IGF1R: variants seen among roughly 807,000 people sequenced by gnomAD.
IGF1R encodes insulin like growth factor 1 receptor, also known as insulin-like growth factor 1 receptor.
Under a neutral mutation model 144.6 loss-of-function variants are expected in IGF1R, and 44 were observed. The observed-to-expected ratio is 0.30, with a 90% CI of 0.24 to 0.39. The LOEUF (loss-of-function observed/expected upper bound fraction) is 0.39, where lower values mean the gene tolerates loss of function less well. Ranked by LOEUF, IGF1R falls within the 10% of genes least tolerant of loss-of-function variation. The probability of loss-of-function intolerance (pLI) is 1.00; values close to 1 mark genes in which losing one functional copy is unlikely to be tolerated. For missense variants in IGF1R, 1,355 were observed against 1,833.7 expected (o/e 0.74, Z 4.77); for synonymous variants, 795 against 722.8 (o/e 1.10, Z -1.60).
chr15:98,821,769 G>T (rs1362733736), intron 2 of IGF1R, among the ~76,000 whole-genome samples: 3 of 152,218 alleles, frequency 2.0e-5, no homozygotes, highest in African/African-American at 7.2e-5. Flanking sequence ...CAGGAATAGA[G>T]TACCTGGGGC....
intron 2 of IGF1R, among the ~76,000 whole-genome samples, chr15:98,744,513 A>G (rs1263970501): frequency 1.3e-5 from 2 of 151,974 alleles, no homozygotes; most frequent in Non-Finnish European, 2.9e-5. Flanking sequence ...GGGAGGTGGG[A>G]TGGCAGCCAG....
chr15:98,712,631 AAG>A (rs2054019572), intron 2 of IGF1R, among the ~76,000 whole-genome samples: 1 of 150,696 alleles, frequency 6.6e-6, no homozygotes, highest in African/African-American at 2.4e-5. Flanking sequence ...TTTTTGGAGA[AAG>A]AGTCTTACTC....
At chr15:98,751,263 C>G (rs1596266818) in intron 2 of IGF1R, among the ~76,000 whole-genome samples, 1 of 152,142 alleles carries the variant, frequency 6.6e-6, no homozygotes, top group African/African-American at 2.4e-5. Context: ...TGCAGTGGTA[C>G]CATCGTAACT....
At chr15:98,755,343 T>C (rs962306313) in intron 2 of IGF1R, among the ~76,000 whole-genome samples, 1 of 152,136 alleles carries the variant, frequency 6.6e-6, no homozygotes, top group Admixed American at 6.5e-5. Flanking sequence ...TGGACAGTCA[T>C]GTGGTTTCTT....
chr15:98,823,401 C>T (rs2056837564), intron 2 of IGF1R, among the ~76,000 whole-genome samples: 1 of 152,188 alleles, frequency 6.6e-6, no homozygotes, highest in Non-Finnish European at 1.5e-5. Flanking sequence ...TCCCTCTTCC[C>T]CTCCCACCAC....
intron 2 of IGF1R, among the ~76,000 whole-genome samples, chr15:98,736,468 G>A (rs919455400): frequency 5.9e-5 from 9 of 152,240 alleles, no homozygotes; most frequent in African/African-American, 1.9e-4. Flanking sequence ...TAGGCAGTCA[G>A]CATTAGATGC....
chr15:98,651,586 G>C (rs935678670), intron 1 of IGF1R, among the ~76,000 whole-genome samples: 1 of 152,252 alleles, frequency 6.6e-6, no homozygotes, highest in Non-Finnish European at 1.5e-5. Context: ...CAAAACAGCA[G>C]GGATGGCCTT....
At chr15:98,856,338 C>T (rs2011817766) in intron 2 of IGF1R, among the ~76,000 whole-genome samples, 1 of 152,224 alleles carries the variant, frequency 6.6e-6, no homozygotes, top group South Asian at 2.1e-4. Context: ...GGGAGCTTTT[C>T]TGACTATACA....
intron 2 of IGF1R, among the ~76,000 whole-genome samples, chr15:98,786,800 C>A (rs938991611): frequency 1.3e-5 from 2 of 152,090 alleles, no homozygotes; most frequent in Non-Finnish European, 2.9e-5. Context: ...CAGGCAGGTG[C>A]CTGCATGACT....
intron 2 of IGF1R, among the ~76,000 whole-genome samples, chr15:98,740,358 G>A (rs1261879136): frequency 2.0e-5 from 3 of 152,180 alleles, no homozygotes; most frequent in African/African-American, 7.2e-5. Flanking sequence ...ATGGGACTAA[G>A]AGTAAATGCA....
chr15:98,769,255 C>T (rs1055770239), intron 2 of IGF1R, among the ~76,000 whole-genome samples: 4 of 152,092 alleles, frequency 2.6e-5, no homozygotes, highest in Non-Finnish European at 5.9e-5. Context: ...CTAATTTGTC[C>T]ATGAAGGGAT....
rs372503877 is a variant in IGF1R, at chr15:98,963,548, T to G, written c.*6106T>G. On this transcript the variant is annotated 3_prime_UTR_variant, in exon 21 of 21. Transcript: ENST00000650285. ...TGCATGGCACCGTTCGGCATCTGGC[T>G]TGATTGGTCTGGCTGCCGTCATTGT... The G allele has an allele frequency of 3.2e-4, 74 of 233,302 alleles. No homozygotes were observed. The highest frequency in any genetic ancestry group is 1.0e-3 in the African/African-American group (47 of 45,474). 14.5% of individuals were successfully genotyped at this position (233,302 alleles called of 1,614,324 possible).
intron 2 of IGF1R, among the ~76,000 whole-genome samples, chr15:98,849,762 C>T (rs2011469311): frequency 1.3e-5 from 2 of 152,140 alleles, no homozygotes; most frequent in Non-Finnish European, 2.9e-5. Context: ...AAGTATTGAA[C>T]AGATAGCTCA....
chr15:98,954,686 C>G (rs1172550885), intron 20 of IGF1R, among the ~76,000 whole-genome samples: 1 of 152,230 alleles, frequency 6.6e-6, no homozygotes, highest in Non-Finnish European at 1.5e-5. Flanking sequence ...ACATCTCATG[C>G]TCTTGGCCCA....
chr15:98,891,759 G>T lies in IGF1R; in HGVS notation c.953+122G>T, dbSNP rs2013935381. The T allele has an allele frequency of 4.2e-6, 4 of 950,686 alleles. No homozygotes were observed. The highest frequency in any genetic ancestry group is 1.5e-5 in the South Asian group (1 of 68,080). The allele number at this position is 950,686 out of a possible 1,614,324, so 58.9% of individuals were successfully genotyped here. ...AGCCCTCAGGAAGTTCACTGAGGTG[G>T]GTCATTTTGAGAGGGCTGGCTTACC... On this transcript the variant is annotated intron_variant, in intron 3 of 20. Coordinates refer to ENST00000650285, the MANE Select transcript of IGF1R (RefSeq NM_000875.5). The surrounding 1 kb of genome is among the most constrained non-coding windows in gnomAD (Gnocchi z 4.7).
chr15:98,720,258 T>C (rs1016556639), intron 2 of IGF1R, among the ~76,000 whole-genome samples: 1 of 152,212 alleles, frequency 6.6e-6, no homozygotes, highest in African/African-American at 2.4e-5. Flanking sequence ...CCCAGCTTCA[T>C]GATCGGGGGA....
chr15:98,718,700 G>A (rs1252426928), intron 2 of IGF1R, among the ~76,000 whole-genome samples: 1 of 152,250 alleles, frequency 6.6e-6, no homozygotes, highest in African/African-American at 2.4e-5. Flanking sequence ...AGCAGCTGCT[G>A]AGACCAGGAG....
chr15:98,912,987 T>G, intron 7 of IGF1R, 57 bp from the exon 8 acceptor site: 1 of 1,213,064 alleles, frequency 8.2e-7, no homozygotes, highest in East Asian at 2.3e-5. Context: ...TGGGGAAGAT[T>G]TTTGAGGGTT....
At chr15:98,956,580 G>A (rs2016993856) in intron 20 of IGF1R, among the ~76,000 whole-genome samples, 1 of 152,220 alleles carries the variant, frequency 6.6e-6, no homozygotes, top group Admixed American at 6.5e-5. Context: ...AAATAGCACA[G>A]GTGGGAACCG....
Sources: gnomAD v4.1 joint callset for allele counts (sites outside exome capture counted in the v4.1 genomes callset) on GRCh38, gnomAD v4.1.1 for gene constraint, Gnocchi (gnomAD v3.1) non-coding constraint, MANE v1.5 for transcripts, NCBI Gene and HGNC (gene_info 2026-07-23, HGNC 2026-07-21) for gene names.